RAD51B: variants seen among roughly 807,000 people sequenced by gnomAD.
The protein encoded by RAD51B is DNA repair protein RAD51 homolog 2.
Under a neutral mutation model 42.2 loss-of-function variants are expected in RAD51B, and 38 were observed. The ratio of observed to expected loss-of-function variants is 0.90; its 90% CI spans 0.70 to 1.18. The LOEUF (loss-of-function observed/expected upper bound fraction) is 1.18. Ranked by LOEUF, RAD51B falls within the 50% of genes most tolerant of loss-of-function variation. The pLI is 0.00. For missense variants in RAD51B, 373 were observed against 400.7 expected, an observed-to-expected ratio of 0.93 and a Z score of 0.59; for synonymous variants, 154 against 145.2, an observed-to-expected ratio of 1.06 and a Z score of -0.43.
intron 10 of RAD51B, chr14:68,497,460 T>G (rs1884610474): frequency 1.9e-6 from 2 of 1,069,346 alleles, no homozygotes; most frequent in South Asian, 4.4e-5. Context: ...GAGCAAGGGT[T>G]GGGTTGTGTT....
intron 7 of RAD51B, among the ~76,000 whole-genome samples, chr14:68,051,244 ACTT>A (rs2076388386): frequency 6.6e-6 from 1 of 152,060 alleles, no homozygotes; most frequent in Non-Finnish European, 1.5e-5. Flanking sequence ...AAGATTATCT[ACTT>A]CTTAAATTTA....
At position 68,349,858 on chromosome 14, in the gene RAD51B, T is replaced by C. The variant is rs77415014; in HGVS notation, c.853+57878T>C. On this transcript the variant is annotated intron_variant, in intron 8 of 10. Transcript: ENST00000471583. The stretch of plus-strand genomic sequence containing the variant: ...AGCATCTATATCCCAGTCATACTTA[T>C]GCATGGAAAGGCTAAGTAAAATCTA... Among the ~76,000 whole-genome samples the C allele has an allele frequency of 8.6e-3, 1,315 of 152,300 alleles. 20 individuals carry two copies. The highest frequency in any genetic ancestry group is 0.031 in the African/African-American group (1,277 of 41,558).
At chr14:68,555,267 C>A (rs1888780275) in intron 10 of RAD51B, among the ~76,000 whole-genome samples, 1 of 152,228 alleles carries the variant, frequency 6.6e-6, no homozygotes, top group African/African-American at 2.4e-5. Context: ...TCAGCACATC[C>A]ATCTTTGGAA....
rs78183741 is a variant in RAD51B at position 68,435,089 on chromosome 14, G to A, written c.957+23562G>A. Among the ~76,000 whole-genome samples the A allele has an allele frequency of 7.4e-3, 1,122 of 152,166 alleles. 11 individuals carry two copies. Among genetic ancestry groups the A allele is most frequent in the African/African-American group, 0.026 (1,059 of 41,492 alleles). On this transcript the variant is annotated intron_variant, in intron 9 of 10. Coordinates refer to ENST00000471583, the MANE Select transcript of RAD51B (RefSeq NM_133510.4). ...CAGGTTTGTTACATGGGTATGTTAC[G>A]AGATGCTGAAGTTTGAGGTGCGAAT...
At chr14:68,459,537 C>T (rs570815105) in intron 9 of RAD51B, among the ~76,000 whole-genome samples, 1 of 152,306 alleles carries the variant, frequency 6.6e-6, no homozygotes, top group African/African-American at 2.4e-5. Flanking sequence ...CCTAATTTCT[C>T]GACAGGACCC....
intron 11 of RAD51B, among the ~76,000 whole-genome samples, chr14:68,665,036 G>A (rs892000590): frequency 6.6e-6 from 1 of 152,212 alleles, no homozygotes; most frequent in African/African-American, 2.4e-5. Flanking sequence ...CCAAGGGTAA[G>A]CATCTTCCTG....
intron 10 of RAD51B, among the ~76,000 whole-genome samples, chr14:68,483,490 T>G (rs1408005576): frequency 6.6e-6 from 1 of 152,084 alleles, no homozygotes; most frequent in Admixed American, 6.6e-5. Context: ...GAAGGGATAG[T>G]GGGTTCAAGG....
chr14:68,460,345 C>T (rs537928663), intron 9 of RAD51B, among the ~76,000 whole-genome samples: 2 of 152,222 alleles, frequency 1.3e-5, no homozygotes, highest in South Asian at 2.1e-4. Context: ...CCCAGCTACT[C>T]GGGAGGCTGA....
intron 7 of RAD51B, among the ~76,000 whole-genome samples, chr14:68,007,243 T>C (rs1385428332): frequency 1.3e-5 from 2 of 152,182 alleles, no homozygotes; most frequent in Non-Finnish European, 2.9e-5. Context: ...TATTTCAGTG[T>C]ATGGATATAC....
At position 68,669,627 on chromosome 14, in the gene RAD51B, T is replaced by TACACAC. The variant is rs34821600; in HGVS notation, c.*11+18800_*11+18805dup. ...CAAACACACTATCAAACCCGCCACT[T>TACACAC]ACACACACACACACACACACACACA... On this transcript the variant is annotated intron_variant, in intron 11 of 11. Transcript: ENST00000488612. Among the ~76,000 whole-genome samples, 337 of 148,018 alleles carry TACACAC rather than the reference T, an allele frequency of 2.3e-3. 6 individuals carry two copies. The highest frequency in any genetic ancestry group is 6.7e-3 in the African/African-American group (266 of 39,870).
chr14:67,969,844 C>T (rs1238941865), intron 7 of RAD51B, among the ~76,000 whole-genome samples: 1 of 152,256 alleles, frequency 6.6e-6, no homozygotes, highest in East Asian at 1.9e-4. Flanking sequence ...AAACTGTAGA[C>T]TAATCAATTA....
intron 10 of RAD51B, among the ~76,000 whole-genome samples, chr14:68,609,654 G>A (rs980739088): frequency 2.6e-5 from 4 of 152,086 alleles, no homozygotes; most frequent in Non-Finnish European, 4.4e-5. Flanking sequence ...CAAGCATGGC[G>A]TCCTCTTCCT....
chr14:68,452,432 C>T (rs2085579918), intron 9 of RAD51B, among the ~76,000 whole-genome samples: 1 of 152,106 alleles, frequency 6.6e-6, no homozygotes, highest in Non-Finnish European at 1.5e-5. Flanking sequence ...TGGCGATGAG[C>T]TTACTGACAA....
At chr14:68,488,508 C>G (rs1381166305) in intron 10 of RAD51B, among the ~76,000 whole-genome samples, 1 of 152,064 alleles carries the variant, frequency 6.6e-6, no homozygotes, top group Non-Finnish European at 1.5e-5. Flanking sequence ...TGAAAATTCC[C>G]CACCCTTTGT....
intron 7 of RAD51B, among the ~76,000 whole-genome samples, chr14:68,277,202 C>T (rs1163610519): frequency 1.3e-5 from 2 of 152,158 alleles, no homozygotes; most frequent in Non-Finnish European, 2.9e-5. Context: ...CCAGCACTTA[C>T]GAGGAGCCTC....
At chr14:67,927,344 C>A (rs1020924779) in intron 7 of RAD51B, among the ~76,000 whole-genome samples, 15 of 152,102 alleles carry the variant, frequency 9.9e-5, no homozygotes, top group African/African-American at 3.6e-4. Flanking sequence ...GGTGTCATTT[C>A]AAGTCCTCTC....
intron 11 of RAD51B, among the ~76,000 whole-genome samples, chr14:68,653,462 A>T (rs563904500): frequency 2.0e-5 from 3 of 152,236 alleles, no homozygotes; most frequent in Non-Finnish European, 4.4e-5. Context: ...CAAGAGATAC[A>T]CAGACTAGTC....
intron 7 of RAD51B, among the ~76,000 whole-genome samples, chr14:68,260,733 C>G (rs1176867966): frequency 1.3e-5 from 2 of 152,148 alleles, no homozygotes; most frequent in Non-Finnish European, 2.9e-5. Context: ...CTGCAGTTTT[C>G]TTAACTTCCT....
At chr14:68,546,814 G>A (rs572212477) in intron 10 of RAD51B, among the ~76,000 whole-genome samples, 30 of 152,314 alleles carry the variant, frequency 2.0e-4, no homozygotes, top group African/African-American at 7.0e-4. Flanking sequence ...GCAGAGGTCA[G>A]TGGGAATGGG....
Sources: gnomAD v4.1 joint callset for allele counts (sites outside exome capture counted in the v4.1 genomes callset) on GRCh38, gnomAD v4.1.1 for gene constraint, MANE v1.5 for transcripts, NCBI Gene and HGNC (gene_info 2026-07-23, HGNC 2026-07-21) for gene names.